The following CCDC125 variants were observed in gnomAD, a reference collection of about 807,000 sequenced individuals.
The protein encoded by CCDC125 is coiled-coil domain-containing protein 125.
A neutral mutation model predicts 57.4 loss-of-function variants in CCDC125; 43 were observed. The ratio of observed to expected loss-of-function variants is 0.75; its 90% CI spans 0.59 to 0.97. The LOEUF is 0.97. Ranked by LOEUF, CCDC125 falls within the 50% of genes least tolerant of loss-of-function variation. CCDC125 has a pLI of 0.00. For missense variants in CCDC125, 563 were observed against 595.7 expected (o/e 0.95, Z 0.57); for synonymous variants, 187 against 195.2 (o/e 0.96, Z 0.35).
chr5:69,322,755 G>C (rs949567450), intron 1 of CCDC125, among the ~76,000 whole-genome samples: 1 of 150,234 alleles, frequency 6.7e-6, no homozygotes, highest in African/African-American at 2.4e-5. Context: ...CAGAGACGGG[G>C]TTTCACCATG....
At chr5:69,299,416 G>A (rs1042997742) in intron 8 of CCDC125, among the ~76,000 whole-genome samples, 1 of 152,168 alleles carries the variant, frequency 6.6e-6, no homozygotes, top group African/African-American at 2.4e-5. Flanking sequence ...GCCTTCTTAA[G>A]TTCTACAAGA....
chr5:69,332,342 C>G (rs888159200), intron 1 of CCDC125, among the ~76,000 whole-genome samples: 1 of 152,166 alleles, frequency 6.6e-6, no homozygotes, highest in Non-Finnish European at 1.5e-5. Flanking sequence ...GTGCTATTAA[C>G]TAAACCACAG....
chr5:69,302,420 C>CAAAAAAA (rs70992918), intron 7 of CCDC125, among the ~76,000 whole-genome samples: 2 of 30,726 alleles, frequency 6.5e-5, no homozygotes, highest in South Asian at 2.2e-3. Flanking sequence ...GACTCCATCT[C>CAAAAAAA]AAAAAAAAAA....
chr5:69,307,868 G>A (rs1757581741), intron 5 of CCDC125, 83 bp downstream of exon 5: 2 of 1,016,636 alleles, frequency 2.0e-6, no homozygotes, highest in African/African-American at 1.6e-5. Flanking sequence ...ACAAGTGACA[G>A]ATCCATTAGT....
chr5:69,310,659 A>C (rs190702470), intron 4 of CCDC125: 24 of 154,154 alleles, frequency 1.6e-4, no homozygotes, highest in Middle Eastern at 3.4e-3. Flanking sequence ...TGGCAATAAA[A>C]AGGAAGAAAG....
downstream of CCDC125, among the ~76,000 whole-genome samples, chr5:69,279,295 T>C (rs1752353031): frequency 6.6e-6 from 1 of 150,860 alleles, no homozygotes; most frequent in Admixed American, 6.6e-5. Context: ...CCCACTGGGT[T>C]CACCCATTCT....
intron 8 of CCDC125, among the ~76,000 whole-genome samples, chr5:69,295,684 G>T (rs1276728536): frequency 1.3e-5 from 2 of 152,182 alleles, no homozygotes; most frequent in Non-Finnish European, 2.9e-5. Context: ...CCCCATGGCT[G>T]TTACATCTTC....
chr5:69,273,129 A>AT, the CCDC125 span: 2 of 935,892 alleles, frequency 2.1e-6, no homozygotes, highest in Non-Finnish European at 3.0e-6. Context: ...TAAAATTAAC[A>AT]TTTTTTAAAT....
At chr5:69,306,441 A>C (rs1480139163) in intron 6 of CCDC125, among the ~76,000 whole-genome samples, 1 of 152,082 alleles carries the variant, frequency 6.6e-6, no homozygotes, top group Non-Finnish European at 1.5e-5. Flanking sequence ...TGATCTTCAC[A>C]CCTCAGCTTC....
chr5:69,285,614 G>T lies in CCDC125; in HGVS notation c.1100-147C>A, dbSNP rs1332504719. 1.3e-5 allele frequency: 10 copies of T among 773,384 alleles called. No individual in the cohort carries two copies. In the East Asian group the frequency reaches 2.9e-4, roughly 22 times the overall value. The allele number at this position is 773,384 out of a possible 1,614,324, so 47.9% of individuals were successfully genotyped here. A position where few individuals can be genotyped will look rare whatever the true frequency, so the allele number is the denominator to read the frequency against. The stretch of plus-strand genomic sequence containing the variant: ...GAGCAGAGCACAGCCTTCAGAGCCA[G>T]GAGCAATGCAGGTGAGAGGCAGCAA... On this transcript the variant is annotated intron_variant, in intron 10 of 11. Coordinates refer to ENST00000396496, the MANE Select transcript of CCDC125 (RefSeq NM_176816.5).
At chr5:69,327,611 T>C (rs1334387822) in intron 1 of CCDC125, among the ~76,000 whole-genome samples, 1 of 152,198 alleles carries the variant, frequency 6.6e-6, no homozygotes, top group East Asian at 1.9e-4. Flanking sequence ...CAAATCTCAC[T>C]TCACCACTTG....
At chr5:69,324,950 G>A (rs1470578100) in intron 1 of CCDC125, among the ~76,000 whole-genome samples, 1 of 152,208 alleles carries the variant, frequency 6.6e-6, no homozygotes, top group East Asian at 1.9e-4. Flanking sequence ...CTTGGCATTG[G>A]AGAAATGACC....
chr5:69,278,066 G>C (rs569139349), downstream of CCDC125, among the ~76,000 whole-genome samples: 41 of 152,176 alleles, frequency 2.7e-4, no homozygotes, highest in South Asian at 7.9e-3. Flanking sequence ...ATTTTTAGTA[G>C]AGACAGGATT....
intron 9 of CCDC125, among the ~76,000 whole-genome samples, chr5:69,292,683 G>A (rs982345888): frequency 2.0e-5 from 3 of 152,024 alleles, no homozygotes; most frequent in Non-Finnish European, 4.4e-5. Context: ...AAAGATAAGA[G>A]GATACCAAAG....
chr5:69,311,645 G>A (rs1280007312), intron 3 of CCDC125, among the ~76,000 whole-genome samples: 1 of 150,602 alleles, frequency 6.6e-6, no homozygotes, highest in Non-Finnish European at 1.5e-5. Flanking sequence ...GCAAGACTCT[G>A]TCTCAATTAA....
Position 69,307,956 on chromosome 5 carries a change from C to T in CCDC125, c.526G>A (p.Glu176Lys). ...ACACTAAAAGCACCAAATACCTTCT[C>T]CAAGGATCTGTTTTGTTCCATAGTT... ...QKTMEQNRSL[E>K]KEINALQWEI... Residue 176 changes from glutamate to lysine, a missense_variant, in exon 5 of 12, where the codon GAG (glutamate) becomes AAG (lysine). Coordinates refer to ENST00000396496, the MANE Select transcript of CCDC125 (RefSeq NM_176816.5). 1.2e-6 allele frequency: 2 copies of T among 1,613,000 alleles called. No homozygotes were observed. Among genetic ancestry groups the T allele is most frequent in the East Asian group, 4.5e-5 (2 of 44,868 alleles).
At chr5:69,284,936 G>C (rs185326526) in intron 11 of CCDC125, among the ~76,000 whole-genome samples, 79 of 151,922 alleles carry the variant, frequency 5.2e-4, no homozygotes, top group Non-Finnish European at 8.2e-4. Flanking sequence ...TACTAAAAAC[G>C]CACACACAAA....
intron 1 of CCDC125, among the ~76,000 whole-genome samples, chr5:69,322,645 C>T (rs1760209408): frequency 6.6e-6 from 1 of 151,924 alleles, no homozygotes; most frequent in African/African-American, 2.4e-5. Context: ...TCACAGCAAC[C>T]TCCGCCTCCT....
chr5:69,274,894 G>A, the CCDC125 span, among the ~76,000 whole-genome samples: 1 of 152,094 alleles, frequency 6.6e-6, no homozygotes, highest in African/African-American at 2.4e-5. Context: ...GGGATTACAG[G>A]CATGAGCCAC....
Sources: allele counts gnomAD v4.1 joint callset (sites outside exome capture counted in the v4.1 genomes callset), GRCh38; gene constraint gnomAD v4.1.1; transcripts MANE v1.5; gene names NCBI Gene and HGNC (gene_info 2026-07-23, HGNC 2026-07-21).